The following LYPD6 variants were observed in gnomAD, a reference collection of about 807,000 sequenced individuals.
LYPD6 encodes LY6/PLAUR domain containing 6.
LYPD6 carries 15 observed loss-of-function variants against 22.7 expected under a neutral mutation model. The ratio of observed to expected loss-of-function variants is 0.66; its 90% CI spans 0.44 to 1.02. The LOEUF is 1.02. Among genes scored for constraint, LYPD6 ranks in the 50% least tolerant of loss-of-function variants. LYPD6 has a pLI of 0.00. For synonymous variants in LYPD6, 72 were observed against 77.5 expected, an observed-to-expected ratio of 0.93 and a Z score of 0.37; for missense variants, 189 against 208.4, an observed-to-expected ratio of 0.91 and a Z score of 0.57.
At chr2:149,371,647 A>T (rs1573749138) in intron 1 of LYPD6, among the ~76,000 whole-genome samples, 1 of 152,196 alleles carries the variant, frequency 6.6e-6, no homozygotes, top group East Asian at 1.9e-4. Flanking sequence ...TGAGTGCCTC[A>T]CACGTGCCTG....
chr2:149,354,351 G>A (rs1033333567), intron 1 of LYPD6, among the ~76,000 whole-genome samples: 5 of 152,212 alleles, frequency 3.3e-5, no homozygotes, highest in African/African-American at 1.2e-4. Context: ...GGGATTACAG[G>A]TGCATGCCAC....
intron 1 of LYPD6, among the ~76,000 whole-genome samples, chr2:149,391,593 CT>C (rs1682311431): frequency 1.3e-5 from 2 of 152,004 alleles, no homozygotes; most frequent in South Asian, 4.1e-4. Flanking sequence ...TATAAAATGC[CT>C]TCCATATACA....
intron 3 of LYPD6, among the ~76,000 whole-genome samples, chr2:149,457,763 A>G (rs140907472): frequency 3.3e-5 from 5 of 152,332 alleles, no homozygotes; most frequent in African/African-American, 1.2e-4. Context: ...GCTAAGTATG[A>G]CAAAAAATTC....
chr2:149,407,625 T>C (rs1309132829), intron 1 of LYPD6, among the ~76,000 whole-genome samples: 1 of 152,220 alleles, frequency 6.6e-6, no homozygotes, highest in Non-Finnish European at 1.5e-5. Flanking sequence ...ATTCTAGTTA[T>C]ACATTCGTCT....
intron 1 of LYPD6, among the ~76,000 whole-genome samples, chr2:149,388,845 A>G (rs527974843): frequency 6.6e-6 from 1 of 152,314 alleles, no homozygotes; most frequent in South Asian, 2.1e-4. Flanking sequence ...TAATAGTACT[A>G]TGACTTAGAT....
intron 1 of LYPD6, among the ~76,000 whole-genome samples, chr2:149,375,901 A>G (rs761642826): frequency 1.2e-4 from 18 of 152,248 alleles, no homozygotes; most frequent in Non-Finnish European, 2.2e-4. Context: ...TGCAAAGCAT[A>G]CAGAATTGCG....
intron 3 of LYPD6, among the ~76,000 whole-genome samples, chr2:149,456,473 C>T (rs1238679137): frequency 6.6e-6 from 1 of 152,140 alleles, no homozygotes; most frequent in East Asian, 1.9e-4. Flanking sequence ...CCCATTTTTC[C>T]CCCTACCTGC....
At chr2:149,470,660 C>CT (rs1301323237) in intron 4 of LYPD6, 23 bp from the exon 5 acceptor site, 3 of 1,601,970 alleles carry the variant, frequency 1.9e-6, no homozygotes, top group Non-Finnish European at 2.6e-6. Context: ...TTCTCATTAT[C>CT]TTTTTTTCTT....
intron 1 of LYPD6, among the ~76,000 whole-genome samples, chr2:149,424,966 A>G (rs907061702): frequency 6.6e-6 from 1 of 152,130 alleles, no homozygotes; most frequent in Non-Finnish European, 1.5e-5. Context: ...GAAAGCTTCA[A>G]TGGGATCACC....
intron 1 of LYPD6, among the ~76,000 whole-genome samples, chr2:149,337,493 T>C (rs1268989670): frequency 2.0e-5 from 3 of 152,142 alleles, no homozygotes. Context: ...CAGTTGGTTT[T>C]GTGCTTTGGG....
intron 1 of LYPD6, among the ~76,000 whole-genome samples, chr2:149,380,393 G>A (rs1007325512): frequency 1.3e-5 from 2 of 152,326 alleles, no homozygotes; most frequent in South Asian, 4.1e-4. Context: ...GCCCAGGTGG[G>A]AGGCTTATGC....
At chr2:149,342,132 C>T (rs1173074076) in intron 1 of LYPD6, among the ~76,000 whole-genome samples, 1 of 152,100 alleles carries the variant, frequency 6.6e-6, no homozygotes, top group Non-Finnish European at 1.5e-5. Flanking sequence ...AGACTCTAAG[C>T]CCTGAGTTGC....
intron 1 of LYPD6, among the ~76,000 whole-genome samples, chr2:149,393,611 C>T (rs968372393): frequency 2.0e-5 from 3 of 152,068 alleles, no homozygotes; most frequent in Non-Finnish European, 4.4e-5. Flanking sequence ...TCCTCCTGGC[C>T]CCTTGTGGGC....
At chr2:149,349,518 C>T (rs994097324) in intron 1 of LYPD6, among the ~76,000 whole-genome samples, 6 of 152,202 alleles carry the variant, frequency 3.9e-5, no homozygotes, top group African/African-American at 1.4e-4. Flanking sequence ...AGGGAAAACA[C>T]ACCAAAGTCA....
At chr2:149,394,562 A>G (rs1682386870) in intron 1 of LYPD6, among the ~76,000 whole-genome samples, 1 of 152,172 alleles carries the variant, frequency 6.6e-6, no homozygotes, top group Non-Finnish European at 1.5e-5. Flanking sequence ...ACATAAAGTA[A>G]AAACTATTTG....
At chr2:149,436,859 G>A (rs1683442776) in intron 1 of LYPD6, among the ~76,000 whole-genome samples, 1 of 152,186 alleles carries the variant, frequency 6.6e-6, no homozygotes, top group Non-Finnish European at 1.5e-5. Context: ...GGGATTACAG[G>A]CATGAGCCAC....
intron 1 of LYPD6, among the ~76,000 whole-genome samples, chr2:149,377,781 A>ACC (rs70994571): frequency 4.7e-4 from 44 of 94,316 alleles, no homozygotes; most frequent in Non-Finnish European, 8.1e-4. Context: ...CTTTGTCCCC[A>ACC]CCCCCCCCCC....
chr2:149,413,153 G>A (rs1682889347), intron 1 of LYPD6, among the ~76,000 whole-genome samples: 1 of 152,082 alleles, frequency 6.6e-6, no homozygotes, highest in Non-Finnish European at 1.5e-5. Flanking sequence ...TCACCCAAGG[G>A]AAACTGAGGA....
At chr2:149,389,221 A>T (rs997080007) in intron 1 of LYPD6, among the ~76,000 whole-genome samples, 1 of 152,086 alleles carries the variant, frequency 6.6e-6, no homozygotes, top group Admixed American at 6.5e-5. Context: ...ACGTTTTCCT[A>T]GGAAGCTCTT....
Sources: allele counts gnomAD v4.1 joint callset (sites outside exome capture counted in the v4.1 genomes callset), GRCh38; gene constraint gnomAD v4.1.1; transcripts MANE v1.5; gene names NCBI Gene and HGNC (gene_info 2026-07-23, HGNC 2026-07-21).